GRIK2: variants seen among roughly 807,000 people sequenced by gnomAD.
GRIK2 encodes glutamate ionotropic receptor kainate type subunit 2.
In GRIK2, 32 loss-of-function variants were observed where a neutral mutation model predicts 100.3. The ratio of observed to expected loss-of-function variants is 0.32; its 90% CI spans 0.24 to 0.43. The LOEUF (loss-of-function observed/expected upper bound fraction) is 0.43, where lower values mean the gene tolerates loss of function less well. Among genes scored for constraint, GRIK2 ranks in the 20% least tolerant of loss-of-function variants. The pLI is 1.00. For missense variants in GRIK2, 843 were observed against 1,114.9 expected (o/e 0.76, Z 3.47); for synonymous variants, 417 against 389.4 (o/e 1.07, Z -0.83).
At chr6:101,773,686 A>G (rs1429087849) in intron 7 of GRIK2, among the ~76,000 whole-genome samples, 1 of 152,196 alleles carries the variant, frequency 6.6e-6, no homozygotes, top group Admixed American at 6.5e-5. Flanking sequence ...TGACATATTT[A>G]AAAAGCTTTA....
intron 12 of GRIK2, among the ~76,000 whole-genome samples, chr6:101,902,785 GT>G (rs1787944433): frequency 6.6e-6 from 1 of 151,716 alleles, no homozygotes; most frequent in Admixed American, 6.6e-5. Context: ...AGATAATTTA[GT>G]TGCAATATTA....
intron 2 of GRIK2, among the ~76,000 whole-genome samples, chr6:101,566,736 T>A (rs949099112): frequency 1.3e-5 from 2 of 150,476 alleles, no homozygotes; most frequent in African/African-American, 2.4e-5. Flanking sequence ...AACAAGAAAA[T>A]TTTTTTATTC....
chr6:101,930,430 A>G (rs1411467619), intron 14 of GRIK2, among the ~76,000 whole-genome samples: 3 of 152,094 alleles, frequency 2.0e-5, no homozygotes, highest in African/African-American at 4.8e-5. Flanking sequence ...GAAGGAAGTG[A>G]ATGCGTGATG....
chr6:101,707,206 T>TA (rs1465010967), intron 7 of GRIK2, among the ~76,000 whole-genome samples: 6 of 151,730 alleles, frequency 4.0e-5, no homozygotes, highest in African/African-American at 1.4e-4. Context: ...AATAAGCACA[T>TA]ATTCTAATTT....
intron 14 of GRIK2, among the ~76,000 whole-genome samples, chr6:101,957,809 G>A (rs1792034082): frequency 6.6e-6 from 1 of 151,954 alleles, no homozygotes; most frequent in Non-Finnish European, 1.5e-5. Flanking sequence ...GTATACTTTT[G>A]TCAATTTTGT....
intron 14 of GRIK2, among the ~76,000 whole-genome samples, chr6:101,983,895 A>G (rs527536240): frequency 2.9e-4 from 44 of 151,712 alleles, no homozygotes; most frequent in African/African-American, 1.0e-3. Context: ...CAAATTTGAG[A>G]ATCACCATAT....
chr6:102,045,550 T>C (rs939808175), intron 15 of GRIK2, among the ~76,000 whole-genome samples: 35 of 151,946 alleles, frequency 2.3e-4, no homozygotes, highest in African/African-American at 8.5e-4. Flanking sequence ...ACACTGTTCA[T>C]GTAGAAATGA....
chr6:101,531,523 T>C (rs1341932049), intron 2 of GRIK2, among the ~76,000 whole-genome samples: 6 of 151,888 alleles, frequency 4.0e-5, no homozygotes, highest in Admixed American at 2.6e-4. Context: ...ATAATTACAA[T>C]AGAACCTCCT....
intron 2 of GRIK2, among the ~76,000 whole-genome samples, chr6:101,411,382 G>A (rs1329526975): frequency 6.6e-6 from 1 of 152,072 alleles, no homozygotes; most frequent in African/African-American, 2.4e-5. Context: ...TAATTTAAAT[G>A]TCTGGTCCCC....
intron 14 of GRIK2, among the ~76,000 whole-genome samples, chr6:101,990,231 AT>A (rs1205083224): frequency 6.6e-6 from 1 of 151,632 alleles, no homozygotes; most frequent in Non-Finnish European, 1.5e-5. Flanking sequence ...CTTTACAGGC[AT>A]TTTTTCTTAC....
chr6:101,572,815 ATTATTTAT>A (rs3056164), intron 2 of GRIK2, among the ~76,000 whole-genome samples: 5,086 of 109,736 alleles, frequency 0.046, 166 homozygotes, highest in African/African-American at 0.13. Context: ...ATTGTTGTTT[ATTATTTAT>A]TTATTTATTT....
At chr6:102,057,311 G>A (rs1220312543) in intron 16 of GRIK2, among the ~76,000 whole-genome samples, 4 of 151,918 alleles carry the variant, frequency 2.6e-5, no homozygotes, top group Admixed American at 2.0e-4. Context: ...TTACCTCTAT[G>A]TGTCCCATTC....
chr6:101,916,138 G>A (rs1194713107), intron 12 of GRIK2, among the ~76,000 whole-genome samples: 1 of 151,220 alleles, frequency 6.6e-6, no homozygotes, highest in Non-Finnish European at 1.5e-5. Context: ...TGTTCCTTAA[G>A]GATTTCATAT....
intron 2 of GRIK2, among the ~76,000 whole-genome samples, chr6:101,492,010 G>A (rs777029677): frequency 2.5e-4 from 38 of 151,804 alleles, no homozygotes; most frequent in Non-Finnish European, 5.0e-4. Context: ...TCATCGAGAG[G>A]TACAAGAAGT....
At chr6:101,720,305 TA>T (rs1276154797) in intron 7 of GRIK2, among the ~76,000 whole-genome samples, 5 of 152,084 alleles carry the variant, frequency 3.3e-5, no homozygotes, top group African/African-American at 1.2e-4. Flanking sequence ...TTTTACCATT[TA>T]AAACATTTTC....
chr6:101,512,681 A>G (rs1358791938), intron 2 of GRIK2, among the ~76,000 whole-genome samples: 1 of 152,096 alleles, frequency 6.6e-6, no homozygotes, highest in African/African-American at 2.4e-5. Flanking sequence ...CTTTTTTTCA[A>G]TCAACAACTT....
intron 14 of GRIK2, among the ~76,000 whole-genome samples, chr6:101,952,170 C>T (rs1402971639): frequency 2.0e-5 from 3 of 152,214 alleles, no homozygotes; most frequent in African/African-American, 7.2e-5. Context: ...ATGACGGAAC[C>T]ATCCAGTATG....
At chr6:101,755,161 G>GTTTT (rs1157640683) in intron 7 of GRIK2, among the ~76,000 whole-genome samples, 160 of 102,954 alleles carry the variant, frequency 1.6e-3, no homozygotes, top group Non-Finnish European at 2.0e-3. Flanking sequence ...TTTCTTTTTG[G>GTTTT]TTTTTTTTTT....
intron 2 of GRIK2, among the ~76,000 whole-genome samples, chr6:101,453,428 C>A (rs1371430035): frequency 2.0e-5 from 3 of 151,914 alleles, no homozygotes; most frequent in Non-Finnish European, 2.9e-5. Context: ...ATATCCTGAA[C>A]AAATATATTT....
Sources: gnomAD v4.1 joint callset for allele counts (sites outside exome capture counted in the v4.1 genomes callset) on GRCh38, gnomAD v4.1.1 for gene constraint, MANE v1.5 for transcripts, NCBI Gene and HGNC (gene_info 2026-07-23, HGNC 2026-07-21) for gene names.